The following TRHDE variants were observed in gnomAD, a reference collection of about 807,000 sequenced individuals.
TRHDE encodes thyrotropin releasing hormone degrading enzyme.
A neutral mutation model predicts 125.7 loss-of-function variants in TRHDE; 72 were observed. The observed-to-expected ratio is 0.57, with a 90% CI of 0.47 to 0.70. The LOEUF is 0.70. Ranked by LOEUF, TRHDE falls within the 30% of genes least tolerant of loss-of-function variation. The probability of loss-of-function intolerance (pLI) is 0.00; values close to 1 mark genes in which losing one functional copy is unlikely to be tolerated. For synonymous variants in TRHDE, 509 were observed against 509.1 expected (o/e 1.00, Z 0.00); for missense variants, 1,110 against 1,327.1 (o/e 0.84, Z 2.54).
chr12:72,352,406 C>T (rs902564608), intron 2 of TRHDE, among the ~76,000 whole-genome samples: 5 of 151,708 alleles, frequency 3.3e-5, no homozygotes, highest in East Asian at 1.9e-4. Flanking sequence ...AATTCAACAG[C>T]GTCATTTATT....
chr12:72,321,375 T>G (rs1869085327), intron 2 of TRHDE, among the ~76,000 whole-genome samples: 1 of 152,174 alleles, frequency 6.6e-6, no homozygotes, highest in African/African-American at 2.4e-5. Context: ...TTTTGTAAGC[T>G]CTGTCAATTT....
chr12:72,484,767 C>T (rs1877326222), intron 5 of TRHDE, among the ~76,000 whole-genome samples: 2 of 152,060 alleles, frequency 1.3e-5, no homozygotes, highest in South Asian at 4.1e-4. Context: ...GGCAACAAAT[C>T]CTAAAGGTTG....
chr12:72,351,806 T>C (rs1031549284), intron 2 of TRHDE, among the ~76,000 whole-genome samples: 15 of 151,972 alleles, frequency 9.9e-5, no homozygotes, highest in African/African-American at 3.6e-4. Flanking sequence ...AGGCACATTC[T>C]GGACACGTCT....
chr12:72,182,907 T>C lies in TRHDE; in HGVS notation n.279+77155T>C, dbSNP rs114082178. ...GCTGGCGAGAGGCTTATTTTCTCCATATTGTCTTGGAACCAGTGTTGTAAG... is the reference window on the plus strand; with the variant it reads ...GCTGGCGAGAGGCTTATTTTCTCCACATTGTCTTGGAACCAGTGTTGTAAG... On this transcript the variant is annotated intron_variant and non_coding_transcript_variant, in intron 2 of 4. Transcript: ENST00000548156. 8.0e-3 allele frequency among the ~76,000 whole-genome samples: 1,220 copies of C among 152,304 alleles called. 15 individuals are homozygous for C. Among genetic ancestry groups the C allele is most frequent in the African/African-American group, 0.028 (1,143 of 41,562 alleles).
At chr12:72,489,459 C>T (rs931628668) in intron 5 of TRHDE, among the ~76,000 whole-genome samples, 2 of 151,672 alleles carry the variant, frequency 1.3e-5, no homozygotes, top group Non-Finnish European at 3.0e-5. Flanking sequence ...CTCTCAAAAT[C>T]CCAAGGGCAT....
chr12:72,480,105 T>C (rs1339865225), intron 5 of TRHDE, among the ~76,000 whole-genome samples: 1 of 151,516 alleles, frequency 6.6e-6, no homozygotes, highest in Non-Finnish European at 1.5e-5. Flanking sequence ...CTATTGTGAA[T>C]AGTGCCGCAA....
intron 6 of TRHDE, among the ~76,000 whole-genome samples, chr12:72,516,854 AG>A (rs1878889632): frequency 6.6e-6 from 1 of 152,098 alleles, no homozygotes; most frequent in Non-Finnish European, 1.5e-5. Context: ...TTTAGCATGA[AG>A]CGTTGTTGAA....
At chr12:72,248,664 A>G (rs1398328793) in intron 2 of TRHDE, among the ~76,000 whole-genome samples, 1 of 152,174 alleles carries the variant, frequency 6.6e-6, no homozygotes, top group Non-Finnish European at 1.5e-5. Flanking sequence ...ACTACAGGAA[A>G]AGGGGAGAAT....
intron 1 of TRHDE, among the ~76,000 whole-genome samples, chr12:72,275,394 C>T (rs1441184974): frequency 6.6e-6 from 1 of 152,194 alleles, no homozygotes; most frequent in Non-Finnish European, 1.5e-5. Flanking sequence ...ATAAATTATT[C>T]ACTTTCTTAC....
intron 3 of TRHDE, among the ~76,000 whole-genome samples, chr12:72,390,071 A>G (rs1165156116): frequency 6.6e-6 from 1 of 152,208 alleles, no homozygotes; most frequent in East Asian, 1.9e-4. Flanking sequence ...GGAGACTGTG[A>G]CAAGCTTGAA....
At chr12:72,625,479 C>G (rs1274711512) in intron 15 of TRHDE, among the ~76,000 whole-genome samples, 2 of 151,536 alleles carry the variant, frequency 1.3e-5, no homozygotes, top group Non-Finnish European at 2.9e-5. Context: ...AAAGTCAATT[C>G]TATAATAAAA....
At chr12:72,261,377 C>A (rs1007557378) in intron 2 of TRHDE, among the ~76,000 whole-genome samples, 1 of 152,116 alleles carries the variant, frequency 6.6e-6, no homozygotes, top group Non-Finnish European at 1.5e-5. Context: ...TTTACAAAAC[C>A]AGGCAGTCAT....
intron 2 of TRHDE, among the ~76,000 whole-genome samples, chr12:72,335,048 T>C (rs1869768443): frequency 6.6e-6 from 1 of 152,196 alleles, no homozygotes; most frequent in African/African-American, 2.4e-5. Context: ...TCTAAGTTCT[T>C]ACCTCTGGCC....
intron 2 of TRHDE, among the ~76,000 whole-genome samples, chr12:72,153,431 C>G (rs1876419869): frequency 6.6e-6 from 1 of 152,164 alleles, no homozygotes; most frequent in Non-Finnish European, 1.5e-5. Context: ...TTCTTGCCTT[C>G]TGCTAGCTTT....
chr12:72,255,917 T>TATA (rs1445054818), intron 2 of TRHDE: 2 of 152,238 alleles, frequency 1.3e-5, no homozygotes, highest in African/African-American at 4.8e-5. Context: ...ACAACCCATG[T>TATA]ATAATCCTTC....
chr12:72,613,033 T>A (rs1872689907), intron 12 of TRHDE, among the ~76,000 whole-genome samples: 3 of 152,182 alleles, frequency 2.0e-5, no homozygotes, highest in African/African-American at 7.2e-5. Flanking sequence ...GATGTCTTAT[T>A]TTTAATTTTT....
At chr12:72,587,410 C>T (rs1871484879) in intron 12 of TRHDE, among the ~76,000 whole-genome samples, 2 of 151,890 alleles carry the variant, frequency 1.3e-5, no homozygotes, top group African/African-American at 4.8e-5. Flanking sequence ...ACAGCGTAGA[C>T]ATTAATGAAT....
chr12:72,110,281 G>A (rs1314336619), intron 2 of TRHDE, among the ~76,000 whole-genome samples: 1 of 152,046 alleles, frequency 6.6e-6, no homozygotes, highest in African/African-American at 2.4e-5. Flanking sequence ...TTTATCTGTA[G>A]AGTGCTTTAT....
At chr12:72,185,246 T>A (rs973936730) in intron 2 of TRHDE, among the ~76,000 whole-genome samples, 1 of 152,216 alleles carries the variant, frequency 6.6e-6, no homozygotes, top group African/African-American at 2.4e-5. Flanking sequence ...ACCGGGGCTG[T>A]GCTCGATTTC....
Sources: allele counts gnomAD v4.1 joint callset (sites outside exome capture counted in the v4.1 genomes callset), GRCh38; gene constraint gnomAD v4.1.1; transcripts MANE v1.5; gene names NCBI Gene and HGNC (gene_info 2026-07-23, HGNC 2026-07-21).